Variants in PIR observed in about 807,000 individuals in gnomAD.
PIR encodes the protein pirin.
In PIR, 22 loss-of-function variants were observed where a neutral mutation model predicts 24.2. The ratio of observed to expected loss-of-function variants is 0.91; its 90% CI spans 0.65 to 1.30. The LOEUF (loss-of-function observed/expected upper bound fraction) is 1.30. Ranked by LOEUF, PIR falls within the 50% of genes most tolerant of loss-of-function variation. The pLI is 0.00. For synonymous variants in PIR, 80 were observed against 79.6 expected (o/e 1.00, Z -0.03); for missense variants, 220 against 220.3 (o/e 1.00, Z 0.01).
intron 7 of PIR, among the ~76,000 whole-genome samples, chrX:15,402,227 C>CA (rs1924412128): frequency 9.1e-6 from 1 of 110,338 alleles, no homozygotes; most frequent in Admixed American, 9.6e-5. Context: ...TGCTTGAATG[C>CA]AAAAAAAGAA....
At chrX:15,477,851 T>A (rs1440803838) in intron 3 of PIR, among the ~76,000 whole-genome samples, 7 of 112,072 alleles carry the variant, frequency 6.2e-5, no homozygotes, top group African/African-American at 2.3e-4. Context: ...CCACAGGTAC[T>A]GATTTGGGGG....
intron 6 of PIR, among the ~76,000 whole-genome samples, chrX:15,412,521 G>A (rs966739821): frequency 9.0e-6 from 1 of 111,312 alleles, no homozygotes; most frequent in Non-Finnish European, 1.9e-5. Context: ...AACCATACAG[G>A]TGAAAAAAAG....
chrX:15,465,499 G>A (rs1056947442), intron 3 of PIR, among the ~76,000 whole-genome samples: 2 of 111,939 alleles, frequency 1.8e-5, no homozygotes, highest in Non-Finnish European at 3.8e-5. Flanking sequence ...GAGAATTGCC[G>A]TGGGTGGCTG....
At chrX:15,419,764 T>G (rs11798664) in intron 6 of PIR, among the ~76,000 whole-genome samples, 4 of 106,564 alleles carry the variant, frequency 3.8e-5, no homozygotes, top group Admixed American at 1.0e-4. Flanking sequence ...GGCGTGGTGG[T>G]GGGTGCCTGT....
At chrX:15,492,349 C>T (rs1923209034) in intron 1 of PIR, among the ~76,000 whole-genome samples, 1 of 111,533 alleles carries the variant, frequency 9.0e-6, no homozygotes, top group Non-Finnish European at 1.9e-5. Flanking sequence ...CAATGTATCT[C>T]ATATTTCAGG....
At chrX:15,396,107 A>G (rs763324248) in intron 8 of PIR, among the ~76,000 whole-genome samples, 2 of 112,480 alleles carry the variant, frequency 1.8e-5, no homozygotes, top group East Asian at 5.6e-4. Context: ...CCATTCTGAT[A>G]TTAGTAGGTT....
intron 6 of PIR, among the ~76,000 whole-genome samples, chrX:15,417,096 C>T (rs745345189): frequency 9.0e-6 from 1 of 110,515 alleles, no homozygotes; most frequent in Non-Finnish European, 1.9e-5. Flanking sequence ...ACTATAGGCC[C>T]GCACGACCAT....
intron 6 of PIR, among the ~76,000 whole-genome samples, chrX:15,423,299 C>T (rs1925198397): frequency 8.9e-6 from 1 of 112,117 alleles, no homozygotes; most frequent in Admixed American, 9.4e-5. Context: ...AGCTCAAAAG[C>T]TTCTGCACAG....
At chrX:15,407,705 A>G in intron 6 of PIR, 155 bp from the exon 7 acceptor site, 2 of 460,695 alleles carry the variant, frequency 4.3e-6, no homozygotes, top group South Asian at 6.5e-5. Flanking sequence ...TGAACTGTTT[A>G]AAATATACAC....
chrX:15,385,116 C>T lies in PIR; in HGVS notation c.761G>A (p.Gly254Asp). The change falls in exon 10 of 10, where the codon GGT (glycine) becomes GAT (aspartate). Residue 254 changes from glycine (G) to aspartate (D), a missense_variant and splice_region_variant. Physicochemically the swap from Gly to Asp is moderately conservative, Grantham distance 94. Transcript: ENST00000380420. The stretch of plus-strand genomic sequence containing the variant: ...TTCATTGGTGTTCATCACAAATGGA[C>T]CTAGGGCAGAAAGAGACATTCAGAA... ...EPLREPVIQH[G>D]PFVMNTNEEI... 1.9e-6 allele frequency: 2 copies of T among 1,060,896 alleles called. No individual in the cohort carries two copies. Among genetic ancestry groups the T allele is most frequent in the South Asian group, 2.0e-5 (1 of 51,237 alleles). 87.4% of individuals were successfully genotyped at this position (1,060,896 alleles called of 1,213,427 possible).
At chrX:15,459,432 C>T (rs1256478002) in intron 4 of PIR, among the ~76,000 whole-genome samples, 1 of 111,876 alleles carries the variant, frequency 8.9e-6, no homozygotes, top group Admixed American at 9.5e-5. Context: ...AAGAAAAAGA[C>T]TAGGTGGGAG....
chrX:15,415,444 T>C (rs1924882528), intron 6 of PIR, among the ~76,000 whole-genome samples: 1 of 112,207 alleles, frequency 8.9e-6, no homozygotes, highest in Non-Finnish European at 1.9e-5. Flanking sequence ...TTTTTTCCTC[T>C]GTTTCAAACC....
At chrX:15,411,677 C>T (rs1309948651) in intron 6 of PIR, among the ~76,000 whole-genome samples, 1 of 110,716 alleles carries the variant, frequency 9.0e-6, no homozygotes. Flanking sequence ...CCGCAACCTC[C>T]CCCCCGCCAC....
At chrX:15,385,153 G>T in intron 9 of PIR, 37 bp from the exon 10 acceptor site, 2 of 724,637 alleles carry the variant, frequency 2.8e-6, no homozygotes, top group Non-Finnish European at 4.2e-6. Flanking sequence ...GTTCTGGGTG[G>T]CAATATTTTC....
chrX:15,385,051 T>C lies in PIR; in HGVS notation c.826A>G (p.Asn276Asp). 1 of 1,198,542 alleles carries C rather than the reference T, an allele frequency of 8.3e-7. No individual in the cohort carries two copies. Among genetic ancestry groups the C allele is most frequent in the East Asian group, 3.0e-5 (1 of 33,743 alleles). ...QAILDFRNAK[N>D]GFERAKTWKS... ...CAGGTTTTGGCCCTTTCAAACCCATTTTTTGCGTTTCTGAAATCAAGAATA... is the reference window on the plus strand; with the variant it reads ...CAGGTTTTGGCCCTTTCAAACCCATCTTTTGCGTTTCTGAAATCAAGAATA... The change falls in exon 10 of 10, where the codon AAT (asparagine) becomes GAT (aspartate). Residue 276 changes from asparagine (N) to aspartate (D), a missense_variant. Asn to Asp is a conservative substitution (Grantham distance 23, BLOSUM62 1). Coordinates refer to ENST00000380420, the MANE Select transcript of PIR (RefSeq NM_001018109.3).
Position 15,425,964 on chromosome X carries a change from G to T in PIR, c.507C>A (p.Thr169=). The change falls in exon 6 of 10, where the codon ACC becomes ACA. Residue 169 remains threonine, a synonymous_variant. Coordinates refer to ENST00000380420, the MANE Select transcript of PIR (RefSeq NM_001018109.3). ...IKSKVYTRTP[T]LYLDFKLDPG... is the part of the protein sequence containing the mutation. The stretch of plus-strand genomic sequence containing the variant: ...GGTCCAATTTGAAGTCCAAATATAA[G>T]GTTGGTGTGCGAGTGTAAACCTTGG... 1 of 1,194,657 alleles carries T rather than the reference G, an allele frequency of 8.4e-7. No individual in the cohort carries two copies. Among genetic ancestry groups the T allele is most frequent in the Non-Finnish European group, 1.1e-6 (1 of 880,154 alleles).
chrX:15,482,788 G>A (rs763695921), intron 2 of PIR, among the ~76,000 whole-genome samples: 2 of 111,355 alleles, frequency 1.8e-5, no homozygotes, highest in South Asian at 7.5e-4. Context: ...CACTTCCTTG[G>A]ATTTTATCCC....
At chrX:15,463,685 T>C (rs1331466028) in intron 3 of PIR, among the ~76,000 whole-genome samples, 1 of 112,309 alleles carries the variant, frequency 8.9e-6, no homozygotes, top group Non-Finnish European at 1.9e-5. Context: ...CTCGCTATGG[T>C]AATGGCAACA....
At chrX:15,395,993 T>G (rs1030063950) in intron 8 of PIR, among the ~76,000 whole-genome samples, 4 of 111,760 alleles carry the variant, frequency 3.6e-5, no homozygotes, top group African/African-American at 1.3e-4. Flanking sequence ...TCATCACTTC[T>G]TTCTGGTGTT....
Sources: gnomAD v4.1 joint callset for allele counts (sites outside exome capture counted in the v4.1 genomes callset) on GRCh38, gnomAD v4.1.1 for gene constraint, MANE v1.5 for transcripts, NCBI Gene and HGNC (gene_info 2026-07-23, HGNC 2026-07-21) for gene names.